TVP23B: variants seen among roughly 807,000 people sequenced by gnomAD.
The protein encoded by TVP23B is Golgi apparatus membrane protein TVP23 homolog B.
In TVP23B, 10 loss-of-function variants were observed where a neutral mutation model predicts 30.6. That is an observed-to-expected ratio of 0.33 (90% confidence interval 0.20 to 0.55). The LOEUF is 0.55. TVP23B is among the 20% of genes least tolerant of loss of function. The pLI, the probability that TVP23B is intolerant of heterozygous loss-of-function variation, is 0.91. For synonymous variants in TVP23B, 67 were observed against 83.1 expected (o/e 0.81, Z 1.06); for missense variants, 153 against 243.2 (o/e 0.63, Z 2.47).
chr17:18,803,907 T>C (rs1467804235), intron 5 of TVP23B, among the ~76,000 whole-genome samples: 1 of 151,946 alleles, frequency 6.6e-6, no homozygotes, highest in East Asian at 1.9e-4. Flanking sequence ...ATAAGAGCAG[T>C]TGTGTCCAGT....
intron 6 of TVP23B, among the ~76,000 whole-genome samples, chr17:18,804,873 C>T (rs1412258618): frequency 6.6e-6 from 1 of 151,968 alleles, no homozygotes; most frequent in African/African-American, 2.4e-5. Flanking sequence ...CAGGCGTGAG[C>T]CACCGTGCCC....
At chr17:18,784,219 T>G (rs1181888542) in intron 1 of TVP23B, among the ~76,000 whole-genome samples, 3 of 152,230 alleles carry the variant, frequency 2.0e-5, no homozygotes, top group Non-Finnish European at 2.9e-5. Context: ...TCTTTTTCCT[T>G]TAAAGACTTG....
intron 3 of TVP23B, among the ~76,000 whole-genome samples, chr17:18,793,571 G>A (rs1327211473): frequency 6.6e-6 from 1 of 150,670 alleles, no homozygotes; most frequent in African/African-American, 2.4e-5. Flanking sequence ...ACTCTAGCCT[G>A]GGCAACAGAG....
chr17:18,797,212 T>G (rs1024152101), intron 3 of TVP23B: 2 of 249,440 alleles, frequency 8.0e-6, no homozygotes, highest in South Asian at 1.0e-4. Flanking sequence ...TTCAGGGATA[T>G]GTAGTTGTAA....
At chr17:18,787,634 A>G (rs781562401) in intron 1 of TVP23B, among the ~76,000 whole-genome samples, 34 of 152,116 alleles carry the variant, frequency 2.2e-4, no homozygotes, top group Non-Finnish European at 4.6e-4. Flanking sequence ...GGGCATGAGG[A>G]AGGGAAGAGT....
At chr17:18,793,112 A>G (rs2036021526) in intron 3 of TVP23B, among the ~76,000 whole-genome samples, 1 of 152,158 alleles carries the variant, frequency 6.6e-6, no homozygotes, top group Non-Finnish European at 1.5e-5. Context: ...GCCGCATTCA[A>G]AGCTGTCCTG....
chr17:18,784,002 G>A (rs529311614), intron 1 of TVP23B, among the ~76,000 whole-genome samples: 95 of 152,178 alleles, frequency 6.2e-4, no homozygotes, highest in Non-Finnish European at 1.2e-3. Flanking sequence ...CAAATTAGCC[G>A]GGGGTGGTGG....
intron 1 of TVP23B, among the ~76,000 whole-genome samples, chr17:18,783,988 A>T (rs1283781101): frequency 6.6e-6 from 1 of 151,814 alleles, no homozygotes; most frequent in Non-Finnish European, 1.5e-5. Context: ...GTACTAAAAA[A>T]CAACAAATTA....
At chr17:18,801,056 A>T (rs1351851350) in intron 5 of TVP23B, among the ~76,000 whole-genome samples, 1 of 152,220 alleles carries the variant, frequency 6.6e-6, no homozygotes, top group Non-Finnish European at 1.5e-5. Context: ...TTAGTTAATG[A>T]TACAAAGTAA....
Position 18,781,313 on chromosome 17 carries a change from G to T in TVP23B, c.12+8G>T, listed in dbSNP as rs375257355. ...GCCGCCATGTTGCAGCAGGTGAGGG[G>T]CTGAGGGCTCGCTGGGAGGGTGGCG... On this transcript the variant is annotated splice_region_variant and intron_variant, in intron 1 of 6. Coordinates refer to ENST00000307767, the MANE Select transcript of TVP23B (RefSeq NM_016078.6). 3.2e-6 allele frequency: 5 copies of T among 1,579,342 alleles called. No homozygotes were observed. Among genetic ancestry groups the T allele is most frequent in the Non-Finnish European group, 4.3e-6 (5 of 1,163,808 alleles).
intron 1 of TVP23B, among the ~76,000 whole-genome samples, chr17:18,784,307 C>G (rs1480703814): frequency 6.6e-6 from 1 of 152,194 alleles, no homozygotes; most frequent in South Asian, 2.1e-4. Flanking sequence ...CCTCTCCCAA[C>G]CATACTGGAA....
chr17:18,791,103 A>G, intron 3 of TVP23B, 63 bp downstream of exon 3: 1 of 1,446,154 alleles, frequency 6.9e-7, no homozygotes, highest in Non-Finnish European at 9.1e-7. Flanking sequence ...TAAAAATATG[A>G]GTTAGCATTT....
chr17:18,793,195 G>A (rs913255174), intron 3 of TVP23B, among the ~76,000 whole-genome samples: 9 of 152,062 alleles, frequency 5.9e-5, no homozygotes, highest in Non-Finnish European at 1.2e-4. Context: ...TAAAGAAGAG[G>A]TAGAGAAGGG....
At chr17:18,785,519 A>G (rs1257404074) in intron 1 of TVP23B, among the ~76,000 whole-genome samples, 3 of 152,018 alleles carry the variant, frequency 2.0e-5, no homozygotes, top group Non-Finnish European at 4.4e-5. Flanking sequence ...GTTCTAGGTA[A>G]TATGAACCAT....
In TVP23B at chr17:18,790,481, A is replaced by AG. The variant is rs1555540743; in HGVS notation, c.96-415_96-414insG. On this transcript the variant is annotated intron_variant, in intron 2 of 6. Transcript: ENST00000307767. ...TCCGTCTCAAAAAAAAAAAAAAAAGAAAAGAAAGAAAGAAACAAACTACCT... is the reference window on the plus strand; with the variant it reads ...TCCGTCTCAAAAAAAAAAAAAAAAGAGAAAGAAAGAAAGAAACAAACTACCT... Among the ~76,000 whole-genome samples, 65 of 28,464 alleles carry AG rather than the reference A, an allele frequency of 2.3e-3. 2 individuals are homozygous for AG. Among genetic ancestry groups the AG allele is most frequent in the Admixed American group, 2.2e-3 (7 of 3,120 alleles). The allele number at this position is 28,464 out of a possible 152,430, so 18.7% of individuals were successfully genotyped here.
At chr17:18,801,373 A>C (rs1197409666) in intron 5 of TVP23B, among the ~76,000 whole-genome samples, 3 of 151,404 alleles carry the variant, frequency 2.0e-5, no homozygotes, top group Non-Finnish European at 4.4e-5. Flanking sequence ...CATTTTGCTT[A>C]TCCTTACAGT....
At chr17:18,789,113 G>A (rs1193989379) in intron 1 of TVP23B, 1 of 547,782 alleles carries the variant, frequency 1.8e-6, no homozygotes, top group South Asian at 2.1e-5. Flanking sequence ...TTCTCAGATG[G>A]TGCAGCCTAG....
chr17:18,802,583 C>G, intron 5 of TVP23B, among the ~76,000 whole-genome samples: 1 of 151,870 alleles, frequency 6.6e-6, no homozygotes, highest in South Asian at 2.1e-4. Context: ...CTATGTAGAG[C>G]TGCTCCAACC....
At chr17:18,805,229 C>T (rs962444353) in intron 6 of TVP23B, among the ~76,000 whole-genome samples, 8 of 151,912 alleles carry the variant, frequency 5.3e-5, no homozygotes, top group African/African-American at 1.9e-4. Flanking sequence ...GCTGGGACTA[C>T]AGGCGCCGCC....
Sources: allele counts gnomAD v4.1 joint callset (sites outside exome capture counted in the v4.1 genomes callset), GRCh38; gene constraint gnomAD v4.1.1; transcripts MANE v1.5; gene names NCBI Gene and HGNC (gene_info 2026-07-23, HGNC 2026-07-21).